The following C4orf51 variants were observed in gnomAD, a reference collection of about 807,000 sequenced individuals.
C4orf51 encodes uncharacterized protein C4orf51.
C4orf51 carries 25 observed loss-of-function variants against 25.2 expected under a neutral mutation model. That is an observed-to-expected ratio of 0.99 (90% CI 0.72 to 1.39). The LOEUF (loss-of-function observed/expected upper bound fraction) is 1.39. Among genes scored for constraint, C4orf51 ranks in the 40% most tolerant of loss-of-function variants. The probability of loss-of-function intolerance (pLI) is 0.00; values close to 1 mark genes in which losing one functional copy is unlikely to be tolerated. For synonymous variants in C4orf51, 100 were observed against 84.5 expected, an observed-to-expected ratio of 1.18 and a Z score of -1.01; for missense variants, 252 against 239.6, an observed-to-expected ratio of 1.05 and a Z score of -0.34.
At chr4:145,716,905 A>G (rs996013241) in intron 2 of C4orf51, among the ~76,000 whole-genome samples, 2 of 152,220 alleles carry the variant, frequency 1.3e-5, no homozygotes, top group Non-Finnish European at 1.5e-5. Context: ...CTATTGTTAA[A>G]ATCAGGAGAC....
chr4:145,707,698 G>A (rs1056329577), intron 2 of C4orf51, among the ~76,000 whole-genome samples: 1 of 152,194 alleles, frequency 6.6e-6, no homozygotes, highest in Non-Finnish European at 1.5e-5. Flanking sequence ...TAATATAAAG[G>A]GATGTGAATT....
chr4:145,681,673 C>G (rs1247568212), intron 1 of C4orf51, among the ~76,000 whole-genome samples: 1 of 152,090 alleles, frequency 6.6e-6, no homozygotes, highest in Non-Finnish European at 1.5e-5. Context: ...GAACATGGTG[C>G]CAGCATCTGG....
At chr4:145,706,714 C>T (rs1680328548) in intron 2 of C4orf51, among the ~76,000 whole-genome samples, 2 of 152,000 alleles carry the variant, frequency 1.3e-5, no homozygotes, top group Admixed American at 6.6e-5. Flanking sequence ...AATCTTGGCT[C>T]ACTGCAAGTT....
intron 1 of C4orf51, chr4:145,760,584 T>A (rs1301608676): frequency 5.5e-6 from 1 of 181,844 alleles, no homozygotes; most frequent in Non-Finnish European, 1.1e-5. Context: ...AGCTTTCAGG[T>A]CAATGCAATA....
the C4orf51 span, among the ~76,000 whole-genome samples, chr4:145,781,195 C>CAAAAAAAAAAAAAAAGAAAAAAAAAAAA: frequency 1.8e-5 from 1 of 56,546 alleles, no homozygotes; most frequent in Non-Finnish European, 2.8e-5. Flanking sequence ...GACACCATCT[C>CAAAAAAAAAAAAAAAGAAAAAAAAAAAA]AAAAAAAAAA....
chr4:145,711,877 C>G (rs1396075190), intron 2 of C4orf51, among the ~76,000 whole-genome samples: 1 of 152,082 alleles, frequency 6.6e-6, no homozygotes, highest in Non-Finnish European at 1.5e-5. Flanking sequence ...GTGTGGCAAC[C>G]TTGCATCAAG....
At chr4:145,726,488 A>T (rs571440952) in intron 2 of C4orf51, among the ~76,000 whole-genome samples, 2 of 152,204 alleles carry the variant, frequency 1.3e-5, no homozygotes, top group African/African-American at 4.8e-5. Context: ...TGCATCTTCC[A>T]CTTCCCAGGC....
At chr4:145,689,853 T>C (rs1302082161) in intron 1 of C4orf51, among the ~76,000 whole-genome samples, 1 of 151,930 alleles carries the variant, frequency 6.6e-6, no homozygotes, top group Non-Finnish European at 1.5e-5. Flanking sequence ...TTTCACCATA[T>C]AAAAAAAATT....
intron 2 of C4orf51, among the ~76,000 whole-genome samples, chr4:145,715,788 A>G (rs1731378176): frequency 6.6e-6 from 1 of 152,186 alleles, no homozygotes; most frequent in Non-Finnish European, 1.5e-5. Context: ...GGTGGTCTTT[A>G]GCAGGAAAAT....
At chr4:145,776,096 AG>A in the C4orf51 span, 1 of 947,900 alleles carries the variant, frequency 1.1e-6, no homozygotes, top group Non-Finnish European at 1.6e-6. Flanking sequence ...GGTAATGCCT[AG>A]GAATTGTAAG....
rs922477103 is a variant in C4orf51 at position 145,763,406 on chromosome 4, T to C, written n.167-7582T>C. On this transcript the variant is annotated intron_variant and non_coding_transcript_variant, in intron 1 of 1. Transcript: ENST00000510096. This position sits in a 1 kb window ranked among gnomAD's most constrained non-coding sequence, Gnocchi z 4.6. ...CAAAACAAAACAAAGACTCACTGTA[T>C]AGCCAGAAGGCATTATCAATTTTTT... is the stretch of plus-strand genomic sequence containing the variant. Among the ~76,000 whole-genome samples the C allele has an allele frequency of 6.6e-6, 1 of 152,252 alleles. No homozygotes were observed. The highest frequency in any genetic ancestry group is 2.4e-5 in the African/African-American group (1 of 41,468).
chr4:145,735,750 G>A (rs1377581953), downstream of C4orf51, among the ~76,000 whole-genome samples: 1 of 152,066 alleles, frequency 6.6e-6, no homozygotes, highest in Non-Finnish European at 1.5e-5. Flanking sequence ...CCATTGAAAA[G>A]CTATGGTGAC....
chr4:145,691,860 T>A (rs1729587093), intron 1 of C4orf51, among the ~76,000 whole-genome samples: 1 of 84,670 alleles, frequency 1.2e-5, no homozygotes, highest in African/African-American at 6.8e-5. Context: ...AAGCCTAAAC[T>A]TCGGCATCAC....
chr4:145,783,979 A>C, the C4orf51 span, among the ~76,000 whole-genome samples: 5 of 152,160 alleles, frequency 3.3e-5, no homozygotes, highest in Admixed American at 3.3e-4. Context: ...TGCTGTTCTC[A>C]TGATAGTGAG....
In C4orf51 at chr4:145,765,623, G is replaced by T; in HGVS notation, n.167-5365G>T. On this transcript the variant is annotated intron_variant and non_coding_transcript_variant, in intron 1 of 1. Transcript: ENST00000510096. This position sits in a 1 kb window ranked among gnomAD's most constrained non-coding sequence, Gnocchi z 4.7. ...CAGAGATGACCAGCAGATTGTTCCC[G>T]CCCTTGTTTTTCTGGGAGCCATCTG... 6.2e-7 allele frequency: 1 copy of T among 1,614,038 alleles called. No individual in the cohort carries two copies. Among genetic ancestry groups the T allele is most frequent in the Non-Finnish European group, 8.5e-7 (1 of 1,179,994 alleles).
chr4:145,744,549 C>T lies in C4orf51; in HGVS notation n.168-9658C>T, dbSNP rs187720919. Among the ~76,000 whole-genome samples, 8 of 151,374 alleles carry T rather than the reference C, an allele frequency of 5.3e-5. No individual in the cohort carries two copies. In the East Asian group the frequency reaches 1.6e-3, roughly 30 times the overall value. On this transcript the variant is annotated intron_variant and non_coding_transcript_variant, in intron 1 of 1. Transcript: ENST00000508981. Reference sequence around the variant, plus strand: ...AAAGAGATGGGACCTTGGCTGGGCGCGGTGGCTCACACCTCTAATCCCAGC... The same window carrying T: ...AAAGAGATGGGACCTTGGCTGGGCGTGGTGGCTCACACCTCTAATCCCAGC...
the C4orf51 span, among the ~76,000 whole-genome samples, chr4:145,786,375 A>G: frequency 6.6e-6 from 1 of 152,340 alleles, no homozygotes; most frequent in South Asian, 2.1e-4. Flanking sequence ...AGCTGTAAGC[A>G]AAAGATTGGC....
chr4:145,755,518 C>CA (rs1173635837), downstream of C4orf51, among the ~76,000 whole-genome samples: 3 of 152,190 alleles, frequency 2.0e-5, no homozygotes, highest in African/African-American at 7.2e-5. Context: ...CACCTCCTAT[C>CA]AGTGTGAGCA....
intron 2 of C4orf51, among the ~76,000 whole-genome samples, chr4:145,708,127 G>C (rs1335858948): frequency 1.3e-5 from 2 of 152,206 alleles, no homozygotes; most frequent in African/African-American, 4.8e-5. Context: ...CCTGGAGGGG[G>C]CTAGTGGGCT....
Sources: gnomAD v4.1 joint callset for allele counts (sites outside exome capture counted in the v4.1 genomes callset) on GRCh38, gnomAD v4.1.1 for gene constraint, Gnocchi (gnomAD v3.1) non-coding constraint, MANE v1.5 for transcripts, NCBI Gene and HGNC (gene_info 2026-07-23, HGNC 2026-07-21) for gene names.